The following MBD5 variants were observed in gnomAD, a reference collection of about 807,000 sequenced individuals.
MBD5 encodes methyl-CpG binding domain protein 5, also known as methyl-CpG-binding domain protein 5.
A neutral mutation model predicts 117.3 loss-of-function variants in MBD5; 13 were observed. The observed-to-expected ratio is 0.11, with a 90% CI of 0.07 to 0.18. The LOEUF (loss-of-function observed/expected upper bound fraction) is 0.18. MBD5 is among the 10% of genes least tolerant of loss of function. MBD5 has a pLI of 1.00. For synonymous variants in MBD5, 727 were observed against 766.4 expected, an observed-to-expected ratio of 0.95 and a Z score of 0.85; for missense variants, 1,879 against 2,093.8, an observed-to-expected ratio of 0.90 and a Z score of 2.00.
At chr2:148,069,865 T>C (rs1695304799) in intron 1 of MBD5, among the ~76,000 whole-genome samples, 1 of 152,178 alleles carries the variant, frequency 6.6e-6, no homozygotes, top group Non-Finnish European at 1.5e-5. Flanking sequence ...TTTTTTTACA[T>C]ACATAGACAG....
intron 2 of MBD5, among the ~76,000 whole-genome samples, chr2:148,188,808 C>T (rs1185625524): frequency 6.6e-6 from 1 of 152,016 alleles, no homozygotes; most frequent in African/African-American, 2.4e-5. Context: ...GTGAGCGACG[C>T]AGAAGACGGG....
chr2:148,323,901 A>G (rs879287326), intron 3 of MBD5, among the ~76,000 whole-genome samples: 13 of 152,142 alleles, frequency 8.5e-5, no homozygotes, highest in Non-Finnish European at 1.3e-4. Context: ...GGTGTTTTAG[A>G]CAGGAAGTCC....
rs2167127 is a variant in MBD5 at position 148,225,825 on chromosome 2, T to A, written c.-830-7420T>A. On this transcript the variant is annotated intron_variant, in intron 2 of 13. Transcript: ENST00000642680. ...ATGAAATGAAAATTCTGCTGTCAGA[T>A]ATATTGGAACTCCATTGTATGCTAT... Among the ~76,000 whole-genome samples the A allele has an allele frequency of 1.3e-4, 20 of 152,104 alleles. No individual in the cohort carries two copies. In the South Asian group the frequency reaches 3.9e-3, roughly 30 times the overall value.
At chr2:148,294,199 T>G (rs1701574519) in intron 3 of MBD5, among the ~76,000 whole-genome samples, 1 of 392 alleles carries the variant, frequency 2.6e-3, no homozygotes, top group African/African-American at 3.0e-3. Context: ...GAATGAAGTT[T>G]TTTTTTTTTT....
At chr2:148,499,660 T>C (rs879761785) in intron 11 of MBD5, among the ~76,000 whole-genome samples, 1 of 152,262 alleles carries the variant, frequency 6.6e-6, no homozygotes, top group Non-Finnish European at 1.5e-5. Context: ...TGTTTAACCT[T>C]TTTAATGTTA....
chr2:148,188,215 A>G (rs4972335), intron 2 of MBD5, among the ~76,000 whole-genome samples: 146,704 of 152,298 alleles, frequency 0.96, 70,893 homozygotes, highest in East Asian at 1. Context: ...AATGAATTCT[A>G]GTCCCAGACA....
At chr2:148,351,800 G>C (rs1380843667) in intron 4 of MBD5, among the ~76,000 whole-genome samples, 1 of 152,046 alleles carries the variant, frequency 6.6e-6, no homozygotes. Flanking sequence ...GTTCTGCTAT[G>C]TAAGAATTGG....
At chr2:148,172,358 G>A (rs539264980) in intron 1 of MBD5, among the ~76,000 whole-genome samples, 2 of 152,298 alleles carry the variant, frequency 1.3e-5, no homozygotes, top group East Asian at 1.9e-4. Context: ...GGTTGAAGGC[G>A]AGCTGAGGCA....
chr2:148,103,362 T>C (rs189014984), intron 1 of MBD5, among the ~76,000 whole-genome samples: 39 of 152,286 alleles, frequency 2.6e-4, no homozygotes, highest in African/African-American at 9.1e-4. Context: ...AATATTTTAA[T>C]ATTTACTGTA....
At chr2:148,363,688 T>A (rs1225508407) in intron 4 of MBD5, among the ~76,000 whole-genome samples, 1 of 151,840 alleles carries the variant, frequency 6.6e-6, no homozygotes, top group African/African-American at 2.4e-5. Flanking sequence ...CATGAGAACT[T>A]CATGAAGCAT....
At chr2:148,225,239 G>C (rs1277463338) in intron 2 of MBD5, among the ~76,000 whole-genome samples, 1 of 152,040 alleles carries the variant, frequency 6.6e-6, no homozygotes, top group Admixed American at 6.6e-5. Flanking sequence ...AGGTTACCAA[G>C]AGGTTTGCAA....
intron 2 of MBD5, among the ~76,000 whole-genome samples, chr2:148,208,653 TTC>T (rs1371414297): frequency 1.3e-3 from 102 of 78,406 alleles, no homozygotes; most frequent in Middle Eastern, 9.1e-3. Flanking sequence ...TGGTTATCTG[TTC>T]TTTTTTTTTT....
intron 4 of MBD5, among the ~76,000 whole-genome samples, chr2:148,344,328 A>T (rs537800634): frequency 6.6e-6 from 1 of 151,952 alleles, no homozygotes; most frequent in East Asian, 1.9e-4. Flanking sequence ...GAATTTTAGA[A>T]CAGTTTTTTT....
chr2:148,328,449 G>T (rs1702530105), intron 3 of MBD5, among the ~76,000 whole-genome samples: 3 of 152,230 alleles, frequency 2.0e-5, no homozygotes, highest in Admixed American at 2.0e-4. Context: ...CCTCGCTGCT[G>T]CCTTGCAGTT....
intron 4 of MBD5, among the ~76,000 whole-genome samples, chr2:148,404,030 G>C (rs1705003369): frequency 1.3e-5 from 2 of 151,836 alleles, no homozygotes; most frequent in Admixed American, 1.3e-4. Flanking sequence ...TTGCCTGGAG[G>C]TTCATCCAAG....
At chr2:148,259,537 T>C (rs547918749) in intron 3 of MBD5, among the ~76,000 whole-genome samples, 1 of 152,314 alleles carries the variant, frequency 6.6e-6, no homozygotes, top group East Asian at 1.9e-4. Flanking sequence ...CTATTTGATA[T>C]GCCAATTCTC....
intron 4 of MBD5, among the ~76,000 whole-genome samples, chr2:148,389,249 AAC>A (rs1559050899): frequency 6.2e-5 from 2 of 32,324 alleles, no homozygotes; most frequent in Admixed American, 3.7e-4. Flanking sequence ...AGGAAAAAAA[AAC>A]ATATATATAT....
chr2:148,176,575 A>C (rs1327777874), intron 1 of MBD5, among the ~76,000 whole-genome samples: 1 of 151,520 alleles, frequency 6.6e-6, no homozygotes, highest in Non-Finnish European at 1.5e-5. Flanking sequence ...CACCCAGCCA[A>C]TTTTTGTATT....
chr2:148,126,983 T>G (rs1221336147), intron 1 of MBD5, among the ~76,000 whole-genome samples: 1 of 150,472 alleles, frequency 6.6e-6, no homozygotes, highest in Non-Finnish European at 1.5e-5. Flanking sequence ...CTTTCTTTTT[T>G]TTTTTTTTTT....
Sources: gnomAD v4.1 joint callset for allele counts (sites outside exome capture counted in the v4.1 genomes callset) on GRCh38, gnomAD v4.1.1 for gene constraint, MANE v1.5 for transcripts, NCBI Gene and HGNC (gene_info 2026-07-23, HGNC 2026-07-21) for gene names.